The following CROCC variants were observed in gnomAD, a reference collection of about 807,000 sequenced individuals.
The protein encoded by CROCC is rootletin.
CROCC carries 180 observed loss-of-function variants against 245.2 expected under a neutral mutation model. That is an observed-to-expected ratio of 0.73 (90% CI 0.65 to 0.83). CROCC has a LOEUF of 0.83. Among genes scored for constraint, CROCC ranks in the 40% least tolerant of loss-of-function variants. The pLI is 0.00. For missense variants in CROCC, 2,688 were observed against 2,779.4 expected (o/e 0.97, Z 0.74); for synonymous variants, 1,205 against 1,241.6 (o/e 0.97, Z 0.62).
chr1:16,970,337 C>A lies in CROCC; in HGVS notation c.5536C>A (p.Arg1846Ser). The A allele has an allele frequency of 2.5e-6, 4 of 1,588,428 alleles. No homozygotes were observed. In the South Asian group the frequency reaches 3.4e-5, roughly 14 times the overall value. ...LQDERRLLQE[R>S]LGSLQRALAQ... ...AGACGAGCGGCGGCTGCTGCAGGAG[C>A]GCCTGGGAAGCCTGCAGCGCGCCCT... Residue 1846 changes from arginine (R) to serine (S), a missense_variant, in exon 34 of 37, where the codon CGC becomes AGC. This residue lies in a region of CROCC where 1,218 missense variants were observed against 1,286.3 expected (regional missense o/e 0.95). Coordinates refer to ENST00000375541, the MANE Select transcript of CROCC (RefSeq NM_014675.5).
Position 16,934,905 on chromosome 1 carries a change from T to G in CROCC, c.957-1732T>G, listed in dbSNP as rs1273913792. 4.1e-4 allele frequency among the ~76,000 whole-genome samples: 62 copies of G among 150,916 alleles called. No homozygotes were observed. In the South Asian group the frequency reaches 9.9e-3, roughly 24 times the overall value. On this transcript the variant is annotated intron_variant, in intron 8 of 36. Transcript: ENST00000375541. ...TATCAGCAGTTTCTTTTTTTTTTTT[T>G]TTTTTCTTTTTTGAGATAGAGTCTT...
chr1:16,954,645 T>C lies in CROCC; in HGVS notation c.3322-89T>C, dbSNP rs2076218432. On this transcript the variant is annotated intron_variant, in intron 22 of 36. Transcript: ENST00000375541. The surrounding 1 kb of genome is among the most constrained non-coding windows in gnomAD (Gnocchi z 4.4). Reference sequence around the variant, plus strand: ...CAGCGGGAGGGGCCGTGTTTAGAGCTAAAAGTGGACAGTGCACTGAGCGGG... The same window carrying C: ...CAGCGGGAGGGGCCGTGTTTAGAGCCAAAAGTGGACAGTGCACTGAGCGGG... 2 of 1,449,786 alleles carry C rather than the reference T, an allele frequency of 1.4e-6. No homozygotes were observed. The highest frequency in any genetic ancestry group is 1.8e-6 in the Non-Finnish European group (2 of 1,091,728). 89.8% of individuals were successfully genotyped at this position (1,449,786 alleles called of 1,614,324 possible).
At chr1:16,927,126 A>G (rs1467047976) in intron 3 of CROCC, among the ~76,000 whole-genome samples, 1 of 152,242 alleles carries the variant, frequency 6.6e-6, no homozygotes, top group African/African-American at 2.4e-5. Flanking sequence ...CAGATGCACA[A>G]AACATTCCAC....
chr1:16,960,582 T>C (rs1241320064), intron 26 of CROCC, among the ~76,000 whole-genome samples, 176 bp from the exon 27 acceptor site: 1 of 152,218 alleles, frequency 6.6e-6, no homozygotes, highest in Non-Finnish European at 1.5e-5. Context: ...AAACAAGTTC[T>C]AGTATTTCCT....
At chr1:16,915,348 C>A (rs191334507) in intron 1 of CROCC, among the ~76,000 whole-genome samples, 65 of 152,386 alleles carry the variant, frequency 4.3e-4, no homozygotes, top group African/African-American at 1.5e-3. Context: ...CTTCATGGAG[C>A]TTTGGCCTTA....
intron 2 of CROCC, among the ~76,000 whole-genome samples, chr1:16,923,564 C>G (rs2075457751): frequency 6.6e-6 from 1 of 152,276 alleles, no homozygotes; most frequent in Non-Finnish European, 1.5e-5. Context: ...TCCTCACAAC[C>G]TGACCTATGC....
intron 19 of CROCC, among the ~76,000 whole-genome samples, chr1:16,949,710 C>A (rs2076126046): frequency 6.6e-6 from 1 of 152,202 alleles, no homozygotes; most frequent in East Asian, 1.9e-4. Flanking sequence ...GAGGTTATGT[C>A]TAAAATACTT....
chr1:16,930,021 T>C lies in CROCC; in HGVS notation c.527T>C (p.Leu176Pro). The part of the protein sequence containing the change: ...QQRQAQLVQR[L>P]QGKILQYKKR... ...CGGCAGGCCCAGCTTGTGCAGCGGCTGCAGGGCAAGGTCAGGACCACCCAC... is the reference window on the plus strand; with the variant it reads ...CGGCAGGCCCAGCTTGTGCAGCGGCCGCAGGGCAAGGTCAGGACCACCCAC... The change falls in exon 4 of 37, where the codon CTG becomes CCG. Residue 176 changes from leucine to proline, a missense_variant. Coordinates refer to ENST00000375541, the MANE Select transcript of CROCC (RefSeq NM_014675.5). 6.3e-7 allele frequency: 1 copy of C among 1,575,914 alleles called. No homozygotes were observed. The highest frequency in any genetic ancestry group is 8.6e-7 in the Non-Finnish European group (1 of 1,164,944).
chr1:16,953,365 C>T lies in CROCC; in HGVS notation c.3070C>T (p.Gln1024Ter). The T allele has an allele frequency of 6.2e-7, 1 of 1,609,330 alleles. No individual in the cohort carries two copies. The highest frequency in any genetic ancestry group is 8.5e-7 in the Non-Finnish European group (1 of 1,179,216). The change falls in exon 21 of 37, where the codon CAG becomes TAG. Residue 1024 changes from glutamine to a stop codon, truncating the protein, a stop_gained. Coordinates refer to ENST00000375541, the MANE Select transcript of CROCC (RefSeq NM_014675.5). LOFTEE classifies it high-confidence loss of function. ...AQLQSQLQREQEELLARLEAE... is the reference protein window; with the variant it reads ...AQLQSQLQRE The stretch of plus-strand genomic sequence containing the variant: ...GCTGCAGAGTCAGCTGCAGCGTGAG[C>T]AGGAGGAGCTGCTGGCCCGGCTGGA...
chr1:16,950,734 C>A lies in CROCC; in HGVS notation c.2837-219C>A, dbSNP rs557437879. On this transcript the variant is annotated intron_variant, in intron 19 of 36. Transcript: ENST00000375541. The stretch of plus-strand genomic sequence containing the variant: ...GTCATTTTATGCCTTTAATGCCATT[C>A]TAGGTAGGCAGGAAAGGGGTCAGGG... Among the ~76,000 whole-genome samples, 13 of 152,346 alleles carry A rather than the reference C, an allele frequency of 8.5e-5. No homozygotes were observed. The South Asian group carries it at 2.3e-3, about 27-fold the overall frequency.
chr1:16,921,893 C>A (rs112869817), upstream of CROCC: 3 of 1,013,128 alleles, frequency 3.0e-6, no homozygotes, highest in South Asian at 4.6e-5. Context: ...CACATGGGGG[C>A]GCCGCCGGAT....
intron 1 of CROCC, 132 bp from the exon 2 acceptor site, chr1:16,922,531 C>G (rs1282089862): frequency 2.3e-6 from 3 of 1,332,798 alleles, no homozygotes; most frequent in Non-Finnish European, 3.1e-6. Flanking sequence ...ATTCTAACTC[C>G]CAGGCTTCAC....
intron 34 of CROCC, 40 bp downstream of exon 34, chr1:16,970,493 G>A (rs771912602): frequency 2.6e-6 from 4 of 1,517,792 alleles, no homozygotes; most frequent in East Asian, 2.4e-5. Flanking sequence ...TTCCTCTGGG[G>A]CCTAACCGTG....
intron 3 of CROCC, among the ~76,000 whole-genome samples, chr1:16,924,923 T>C (rs919079286): frequency 6.6e-6 from 1 of 152,266 alleles, no homozygotes; most frequent in Admixed American, 6.5e-5. Flanking sequence ...GCAGCCCATC[T>C]GGGGCAGCCA....
chr1:16,964,577 T>C (rs1197885980), intron 27 of CROCC, among the ~76,000 whole-genome samples: 2 of 151,442 alleles, frequency 1.3e-5, no homozygotes, highest in Non-Finnish European at 2.9e-5. Flanking sequence ...TAGAGACGGG[T>C]TTTCACCATG....
chr1:16,926,659 T>C (rs972917261), intron 3 of CROCC, among the ~76,000 whole-genome samples: 1 of 152,214 alleles, frequency 6.6e-6, no homozygotes, highest in Non-Finnish European at 1.5e-5. Context: ...AGGGCCCCCA[T>C]GGGGGTCCCC....
chr1:16,964,193 A>C (rs1448924606), intron 27 of CROCC, among the ~76,000 whole-genome samples: 59 of 136,424 alleles, frequency 4.3e-4, no homozygotes, highest in African/African-American at 1.7e-3. Context: ...GGAGTGCAGC[A>C]CAGTCTCAGC....
chr1:16,968,282 C>G lies in CROCC; in HGVS notation c.4940C>G (p.Ser1647Cys), dbSNP rs1297146898. 6.4e-7 allele frequency: 1 copy of G among 1,556,630 alleles called. No homozygotes were observed. The highest frequency in any genetic ancestry group is 8.7e-7 in the Non-Finnish European group (1 of 1,151,312). ...KRRLKEVLDA[S>C]ESRTVKLELQ... ...CGCCTGAAGGAGGTTCTGGACGCCT[C>G]CGAGAGCCGCACTGTCAAGCTGGAG... Residue 1647 changes from serine (S) to cysteine (C), a missense_variant, in exon 31 of 37, where the codon TCC (serine) becomes TGC (cysteine). Transcript: ENST00000375541.
intron 26 of CROCC, 113 bp downstream of exon 26, chr1:16,958,863 C>A: frequency 3.3e-6 from 4 of 1,210,812 alleles, no homozygotes; most frequent in Non-Finnish European, 1.1e-6. Context: ...CTTGCTCCTT[C>A]CCCCACTCCT....
Sources: allele counts gnomAD v4.1 joint callset (sites outside exome capture counted in the v4.1 genomes callset), GRCh38; gene constraint gnomAD v4.1.1; regional missense constraint gnomAD v4.1.1; non-coding constraint Gnocchi (gnomAD v3.1); transcripts MANE v1.5; gene names NCBI Gene and HGNC (gene_info 2026-07-23, HGNC 2026-07-21).